Variants in HMGCLL1 observed in about 807,000 individuals in gnomAD.
HMGCLL1 encodes the protein 3-hydroxymethyl-3-methylglutaryl-CoA lyase, cytoplasmic.
A neutral mutation model predicts 39.1 loss-of-function variants in HMGCLL1; 36 were observed. That is an observed-to-expected ratio of 0.92 (90% CI 0.71 to 1.22). The LOEUF is 1.22. Ranked by LOEUF, HMGCLL1 falls within the 50% of genes most tolerant of loss-of-function variation. The pLI is 0.00. For missense variants in HMGCLL1, 451 were observed against 416.5 expected (o/e 1.08, Z -0.72); for synonymous variants, 149 against 144.0 (o/e 1.03, Z -0.25).
At chr6:55,596,258 TGGAG>T in the HMGCLL1 span, among the ~76,000 whole-genome samples, 1 of 151,768 alleles carries the variant, frequency 6.6e-6, no homozygotes, top group Non-Finnish European at 1.5e-5. Flanking sequence ...GCCCGGGAGG[TGGAG>T]GTTACAGAAA....
chr6:55,573,400 A>G (rs2127477767), intron 1 of HMGCLL1, among the ~76,000 whole-genome samples: 1 of 152,348 alleles, frequency 6.6e-6, no homozygotes, highest in Admixed American at 6.5e-5. Context: ...AGATCTGGAT[A>G]TTGGAGTTGT....
chr6:55,442,719 C>A (rs1763659172), intron 7 of HMGCLL1, among the ~76,000 whole-genome samples: 1 of 152,128 alleles, frequency 6.6e-6, no homozygotes, highest in African/African-American at 2.4e-5. Flanking sequence ...ACATTTCTCA[C>A]ATAATGATCT....
the HMGCLL1 span, among the ~76,000 whole-genome samples, chr6:55,613,914 T>C: frequency 6.7e-6 from 1 of 149,848 alleles, no homozygotes; most frequent in African/African-American, 2.4e-5. Context: ...ATTCTACACA[T>C]GTATCCCAGA....
rs568740254 is a variant in HMGCLL1, at chr6:55,490,081, TCA to T, written c.795+5336_795+5337del. ...GCCATATTCTCCGTCCTGTAATCTCTCAGTTTCATGAGCCTCGACTTTACTTC... is the reference window on the plus strand; with the variant it reads ...GCCATATTCTCCGTCCTGTAATCTCTGTTTCATGAGCCTCGACTTTACTTC... On this transcript the variant is annotated intron_variant, in intron 7 of 8. Coordinates refer to ENST00000274901, the MANE Select transcript of HMGCLL1 (RefSeq NM_001042406.2). Among the ~76,000 whole-genome samples, 205 of 152,192 alleles carry T rather than the reference TCA, an allele frequency of 1.3e-3. 5 individuals carry two copies. The South Asian group carries it at 0.04, about 30-fold the overall frequency.
At chr6:55,578,332 A>G (rs61424478) in intron 1 of HMGCLL1, among the ~76,000 whole-genome samples, 16,173 of 152,250 alleles carry the variant, frequency 0.11, 1,138 homozygotes, top group East Asian at 0.3. Context: ...GCATTAAATC[A>G]TAAGTATATG....
At chr6:55,631,496 T>C in the HMGCLL1 span, among the ~76,000 whole-genome samples, 4 of 152,180 alleles carry the variant, frequency 2.6e-5, no homozygotes, top group East Asian at 7.8e-4. Flanking sequence ...GTCAGGACGC[T>C]GAGACAGGCT....
intron 1 of HMGCLL1, 64 bp downstream of exon 1, chr6:55,578,884 G>C: frequency 1.6e-6 from 2 of 1,213,386 alleles, no homozygotes; most frequent in Non-Finnish European, 2.4e-6. Flanking sequence ...AGAGGTTGCA[G>C]GGAGAGAGGC....
At chr6:55,525,899 C>T (rs535960695) in intron 3 of HMGCLL1, among the ~76,000 whole-genome samples, 2 of 151,944 alleles carry the variant, frequency 1.3e-5, no homozygotes, top group East Asian at 3.9e-4. Context: ...ATTTTTTTTG[C>T]TGTGCTTTAC....
At chr6:55,667,422 C>A in the HMGCLL1 span, among the ~76,000 whole-genome samples, 1 of 151,830 alleles carries the variant, frequency 6.6e-6, no homozygotes, top group South Asian at 2.1e-4. Flanking sequence ...AGGATTGGAA[C>A]GGATATTATC....
intron 7 of HMGCLL1, among the ~76,000 whole-genome samples, chr6:55,452,324 C>A (rs902766512): frequency 1.4e-4 from 21 of 152,124 alleles, no homozygotes; most frequent in African/African-American, 5.1e-4. Context: ...AGACTTAGAA[C>A]AGACAAAGAC....
chr6:55,526,949 G>A (rs144861151), intron 3 of HMGCLL1, among the ~76,000 whole-genome samples: 2,209 of 152,092 alleles, frequency 0.015, 33 homozygotes, highest in Non-Finnish European at 0.025. Flanking sequence ...CCTTGTTGAA[G>A]TCTAACATCA....
chr6:55,494,850 A>T (rs1445248686), intron 7 of HMGCLL1, among the ~76,000 whole-genome samples: 1 of 152,248 alleles, frequency 6.6e-6, no homozygotes, highest in East Asian at 1.9e-4. Flanking sequence ...GAGTATAATA[A>T]GCAATTCATA....
At chr6:55,630,998 G>A in the HMGCLL1 span, among the ~76,000 whole-genome samples, 2 of 151,782 alleles carry the variant, frequency 1.3e-5, no homozygotes, top group African/African-American at 2.4e-5. Flanking sequence ...CCTTATCCTT[G>A]ACCTTTGAGA....
At chr6:55,495,349 A>G (rs963365130) in intron 7 of HMGCLL1, 70 bp downstream of exon 7, 9 of 1,156,702 alleles carry the variant, frequency 7.8e-6, no homozygotes, top group African/African-American at 6.4e-5. Flanking sequence ...TACAGCTTTC[A>G]GTATGTTTAT....
intron 1 of HMGCLL1, among the ~76,000 whole-genome samples, chr6:55,568,477 A>G (rs535585688): frequency 5.4e-5 from 8 of 148,230 alleles, no homozygotes; most frequent in Non-Finnish European, 1.2e-4. Flanking sequence ...AGGAAGCTAA[A>G]TATATTAATT....
chr6:55,528,360 C>T (rs1340646840), intron 3 of HMGCLL1, among the ~76,000 whole-genome samples: 1 of 152,032 alleles, frequency 6.6e-6, no homozygotes, highest in South Asian at 2.1e-4. Context: ...AGCAGTAACT[C>T]CTCTTAAAGG....
chr6:55,548,304 T>A (rs1232473798), intron 1 of HMGCLL1, among the ~76,000 whole-genome samples: 2 of 152,030 alleles, frequency 1.3e-5, no homozygotes, highest in Non-Finnish European at 2.9e-5. Context: ...GCCCTCTCTG[T>A]ATATGTATCC....
chr6:55,575,134 C>A (rs1046190242), intron 1 of HMGCLL1, among the ~76,000 whole-genome samples: 1 of 151,992 alleles, frequency 6.6e-6, no homozygotes, highest in Non-Finnish European at 1.5e-5. Context: ...ATTAAGCCAG[C>A]TTCATTATAC....
chr6:55,517,445 A>G (rs1386901656), intron 3 of HMGCLL1, among the ~76,000 whole-genome samples: 2 of 152,070 alleles, frequency 1.3e-5, no homozygotes, highest in Admixed American at 6.6e-5. Context: ...AGAATAGTAT[A>G]TAAGCAGTGG....
Sources: gnomAD v4.1 joint callset for allele counts (sites outside exome capture counted in the v4.1 genomes callset) on GRCh38, gnomAD v4.1.1 for gene constraint, MANE v1.5 for transcripts, NCBI Gene and HGNC (gene_info 2026-07-23, HGNC 2026-07-21) for gene names.